Variants in DSE observed in about 807,000 individuals in gnomAD.
The protein encoded by DSE is dermatan sulfate epimerase.
A neutral mutation model predicts 84.4 loss-of-function variants in DSE; 36 were observed. The observed-to-expected ratio is 0.43, with a 90% CI of 0.33 to 0.56. The LOEUF (loss-of-function observed/expected upper bound fraction) is 0.56. DSE is among the 20% of genes least tolerant of loss of function. The pLI is 0.06. For synonymous variants in DSE, 410 were observed against 430.1 expected (o/e 0.95, Z 0.58); for missense variants, 862 against 1,169.6 (o/e 0.74, Z 3.84).
chr6:116,345,696 A>C (rs1389188728), intron 2 of DSE, among the ~76,000 whole-genome samples: 1 of 151,834 alleles, frequency 6.6e-6, no homozygotes, highest in Admixed American at 6.6e-5. Flanking sequence ...CCCTAAGATC[A>C]CAATTAAAAG....
intron 1 of DSE, chr6:116,254,473 G>A (rs2232465): frequency 0.022 from 6,750 of 310,664 alleles, 457 homozygotes; most frequent in African/African-American, 0.14. Flanking sequence ...TTCTTTTAAG[G>A]TGTGGATTCA....
At chr6:116,366,297 C>T (rs1301450410), upstream of DSE, 1 of 152,178 alleles carries the variant, frequency 6.6e-6, no homozygotes, top group African/African-American at 2.4e-5. Context: ...AAATTATCCA[C>T]CATGGTATCT....
intron 2 of DSE, among the ~76,000 whole-genome samples, chr6:116,304,009 G>A (rs140163077): frequency 0.011 from 1,726 of 151,854 alleles, 31 homozygotes; most frequent in South Asian, 0.066. Flanking sequence ...GGTGGCAGGC[G>A]CCCGTAGTCC....
chr6:116,361,503 CAA>C (rs138573230), intron 2 of DSE, among the ~76,000 whole-genome samples: 2,175 of 152,194 alleles, frequency 0.014, 53 homozygotes, highest in African/African-American at 0.05. Flanking sequence ...TAAAATATCT[CAA>C]GAGAGCTGGG....
chr6:116,406,807 C>A (rs991460602), intron 2 of DSE, among the ~76,000 whole-genome samples: 4 of 152,150 alleles, frequency 2.6e-5, no homozygotes, highest in Non-Finnish European at 5.9e-5. Flanking sequence ...TGTCAACATG[C>A]GAGTTCTGGA....
chr6:116,256,608 A>G (rs887207630), intron 1 of DSE: 12 of 152,332 alleles, frequency 7.9e-5, no homozygotes, highest in African/African-American at 2.4e-4. Flanking sequence ...CAGCTAGATA[A>G]TGACTGCATA....
At chr6:116,337,578 C>T (rs1029747379) in intron 2 of DSE, among the ~76,000 whole-genome samples, 6 of 152,134 alleles carry the variant, frequency 3.9e-5, no homozygotes, top group Non-Finnish European at 4.4e-5. Flanking sequence ...CACCATTGCA[C>T]TCCAGCCTGG....
chr6:116,276,626 T>C (rs1773155232), intron 2 of DSE: 1 of 152,138 alleles, frequency 6.6e-6, no homozygotes. Flanking sequence ...ATTAAGAACT[T>C]TAATGGATTA....
chr6:116,346,656 C>G (rs1313865959), intron 2 of DSE, among the ~76,000 whole-genome samples: 1 of 152,166 alleles, frequency 6.6e-6, no homozygotes, highest in Non-Finnish European at 1.5e-5. Flanking sequence ...AACCCACAGC[C>G]AATATCATAC....
At chr6:116,293,964 A>G (rs932710965) in intron 2 of DSE, among the ~76,000 whole-genome samples, 14 of 152,150 alleles carry the variant, frequency 9.2e-5, no homozygotes, top group African/African-American at 3.4e-4. Context: ...TTTAAAATAT[A>G]TATACAATTA....
At chr6:116,284,492 T>C (rs928058928) in intron 2 of DSE, among the ~76,000 whole-genome samples, 3 of 152,164 alleles carry the variant, frequency 2.0e-5, no homozygotes, top group Admixed American at 6.5e-5. Context: ...TCTGAACAAG[T>C]GTGAACTCAC....
At chr6:116,394,118 A>C (rs1781087633) in intron 1 of DSE, among the ~76,000 whole-genome samples, 1 of 152,220 alleles carries the variant, frequency 6.6e-6, no homozygotes, top group Non-Finnish European at 1.5e-5. Flanking sequence ...TCTGAAATTT[A>C]TTGTGGAACA....
rs556813937 is a variant in DSE at position 116,384,648 on chromosome 6, T to C, written c.-54+13527T>C. Among the ~76,000 whole-genome samples the C allele has an allele frequency of 2.0e-5, 3 of 152,348 alleles. No individual in the cohort carries two copies. The East Asian group carries it at 5.8e-4, about 29-fold the overall frequency. ...CAAATTTTTATTGTTTCTTTTAATG[T>C]AATTATATTTATGTAGCTGTATAAC... is the stretch of plus-strand genomic sequence containing the variant. On this transcript the variant is annotated intron_variant, in intron 1 of 5. Coordinates refer to ENST00000644252, the MANE Select transcript of DSE (RefSeq NM_013352.4).
chr6:116,312,148 G>A (rs1369137404), intron 2 of DSE, among the ~76,000 whole-genome samples: 1 of 152,200 alleles, frequency 6.6e-6, no homozygotes, highest in African/African-American at 2.4e-5. Flanking sequence ...TTGCAAAAGA[G>A]TGGATTGAGA....
intron 2 of DSE, among the ~76,000 whole-genome samples, chr6:116,326,017 C>A (rs1296770698): frequency 6.6e-6 from 1 of 152,166 alleles, no homozygotes; most frequent in African/African-American, 2.4e-5. Context: ...TTTCACAGTG[C>A]TTTTCTATAC....
chr6:116,365,225 G>C (rs1442670235), intron 2 of DSE, among the ~76,000 whole-genome samples: 1 of 151,832 alleles, frequency 6.6e-6, no homozygotes, highest in Non-Finnish European at 1.5e-5. Context: ...TTTCTAATTT[G>C]GTTGGTACAG....
chr6:116,368,074 G>C (rs1219938903), upstream of DSE, among the ~76,000 whole-genome samples: 2 of 152,306 alleles, frequency 1.3e-5, no homozygotes, highest in East Asian at 3.9e-4. Flanking sequence ...CAATATTACA[G>C]TAGAGCAAAG....
At chr6:116,411,081 A>G (rs1364436264) in intron 2 of DSE, among the ~76,000 whole-genome samples, 2 of 152,130 alleles carry the variant, frequency 1.3e-5, no homozygotes, top group Non-Finnish European at 2.9e-5. Context: ...GAGATATCCA[A>G]TTTATATCTC....
chr6:116,344,744 A>T (rs1202445023), intron 2 of DSE, among the ~76,000 whole-genome samples: 1 of 152,248 alleles, frequency 6.6e-6, no homozygotes, highest in African/African-American at 2.4e-5. Flanking sequence ...AGCTAACATC[A>T]TAATGACAGG....
Sources: gnomAD v4.1 joint callset for allele counts (sites outside exome capture counted in the v4.1 genomes callset) on GRCh38, gnomAD v4.1.1 for gene constraint, MANE v1.5 for transcripts, NCBI Gene and HGNC (gene_info 2026-07-23, HGNC 2026-07-21) for gene names.